The following RYR1 variants were observed in gnomAD, a reference collection of about 807,000 sequenced individuals.
RYR1 encodes the protein ryanodine receptor 1, also known as central core disease of muscle.
RYR1 carries 342 observed loss-of-function variants against 583.5 expected under a neutral mutation model. That is an observed-to-expected ratio of 0.59 (90% CI 0.54 to 0.64). The LOEUF is 0.64. RYR1 is among the 30% of genes least tolerant of loss of function. The pLI is 0.00. For missense variants in RYR1, 6,032 were observed against 6,917.2 expected (o/e 0.87, Z 4.54); for synonymous variants, 2,791 against 2,822.5 (o/e 0.99, Z 0.35).
chr19:38,433,745 A>ACCCCCCCC lies in RYR1; in HGVS notation c.-85_-84insCCCCCCCC. 1 of 498,370 alleles carries ACCCCCCCC rather than the reference A, an allele frequency of 2.0e-6. No homozygotes were observed. The highest frequency in any genetic ancestry group is 3.9e-6 in the Non-Finnish European group (1 of 256,700). 30.9% of individuals were successfully genotyped at this position (498,370 alleles called of 1,614,324 possible). On this transcript the variant is annotated 5_prime_UTR_variant, in exon 1 of 106. Transcript: ENST00000359596. ...GGTGTCTCCAGAGGTCTCCGACCCC[A>ACCCCCCCC]GCCCGCCCCCAGCCCTCCCGCCCAG... is the stretch of plus-strand genomic sequence containing the variant.
Position 38,566,938 on chromosome 19 carries a change from C to A in RYR1, c.13465C>A (p.Pro4489Thr). The change falls in exon 92 of 106, where the codon CCA becomes ACA. Residue 4489 changes from proline to threonine, a missense_variant. By Grantham distance (38) the Pro-to-Thr change is conservative. Around this residue, in one of 11 missense-constraint regions of RYR1, gnomAD observed 753 missense variants for 759.6 expected, o/e 0.99. Coordinates refer to ENST00000359596, the MANE Select transcript of RYR1 (RefSeq NM_000540.3). ...GVDGVEEELP[P>T]EPEPEPEPEL... ...GGATGGAGTGGAGGAGGAGCTCCCG[C>A]CAGAGCCAGAGCCCGAGCCGGAACC... is the stretch of plus-strand genomic sequence containing the variant. 2 of 1,606,262 alleles carry A rather than the reference C, an allele frequency of 1.2e-6. No individual in the cohort carries two copies. Among genetic ancestry groups the A allele is most frequent in the Non-Finnish European group, 1.7e-6 (2 of 1,176,712 alleles).
rs201174268 is a variant in RYR1 at position 38,469,026 on chromosome 19, G to A, written c.3442G>A (p.Val1148Ile). Residue 1148 changes from valine (V) to isoleucine (I), a missense_variant, in exon 26 of 106, where the codon GTT (valine) becomes ATT (isoleucine). Transcript: ENST00000359596. Reference protein sequence around the residue: ...FGRPWQPGDVVGCMIDLTENT... With the variant: ...FGRPWQPGDVIGCMIDLTENT... Reference sequence around the variant, plus strand: ...GCGCCCCTGGCAGCCGGGCGATGTCGTTGGCTGTATGATCGACCTCACAGA... The same window carrying A: ...GCGCCCCTGGCAGCCGGGCGATGTCATTGGCTGTATGATCGACCTCACAGA... The A allele has an allele frequency of 4.8e-5, 77 of 1,614,144 alleles. No individual in the cohort carries two copies. Among genetic ancestry groups the A allele is most frequent in the Admixed American group, 8.3e-5 (5 of 60,012 alleles).
Position 38,580,470 on chromosome 19 carries a change from A to T in RYR1, c.14612A>T (p.Asp4871Val), listed in dbSNP as rs1356112333. The change falls in exon 101 of 106, where the codon GAT (aspartate) becomes GTT (valine). Residue 4871 changes from aspartate to valine, a missense_variant. Around this residue, in one of 11 missense-constraint regions of RYR1, gnomAD observed 189 missense variants for 350.3 expected, o/e 0.54. Coordinates refer to ENST00000359596, the MANE Select transcript of RYR1 (RefSeq NM_000540.3). ...RKFYNKSEDEDEPDMKCDDMM... is the reference protein window; with the variant it reads ...RKFYNKSEDEVEPDMKCDDMM... ...TTCTACAACAAGAGCGAGGATGAGG[A>T]TGAACCTGACATGAAGTGTGATGAC... The T allele has an allele frequency of 6.2e-7, 1 of 1,614,120 alleles. No individual in the cohort carries two copies. The highest frequency in any genetic ancestry group is 2.2e-5 in the East Asian group (1 of 44,874).
intron 13 of RYR1, among the ~76,000 whole-genome samples, chr19:38,454,645 G>A (rs1017453212): frequency 5.3e-5 from 8 of 152,180 alleles, no homozygotes; most frequent in African/African-American, 1.9e-4. Context: ...CCTAGAAGCA[G>A]TGGTTCAGTA....
chr19:38,471,584 G>C (rs1229687900), intron 27 of RYR1, among the ~76,000 whole-genome samples: 2 of 151,468 alleles, frequency 1.3e-5, no homozygotes, highest in Non-Finnish European at 2.9e-5. Context: ...GGGAGAAAGA[G>C]GAGAGAAAAA....
At chr19:38,436,519 C>T (rs1411505602) in intron 1 of RYR1, among the ~76,000 whole-genome samples, 1 of 152,122 alleles carries the variant, frequency 6.6e-6, no homozygotes, top group Non-Finnish European at 1.5e-5. Context: ...TTTCTTCTTT[C>T]ACTCAGCATA....
In RYR1 at chr19:38,494,555, G is replaced by GGCCA; in HGVS notation, c.6480_6483dup (p.Ile2162ProfsTer92). 6.2e-7 allele frequency: 1 copy of GGCCA among 1,614,066 alleles called. No individual in the cohort carries two copies. Among genetic ancestry groups the GGCCA allele is most frequent in the African/African-American group, 1.3e-5 (1 of 75,048 alleles). On this transcript the variant is annotated frameshift_variant, in exon 39 of 106. Transcript: ENST00000359596. LOFTEE classifies it high-confidence loss of function. ...CACCATGAGCCTGCTCGAGTGCCTC[G>GGCCA]GCCAGATCCGCTCGCTGCTCATCGT...
chr19:38,514,282 A>ATTT (rs56826915), intron 63 of RYR1, among the ~76,000 whole-genome samples: 10 of 139,100 alleles, frequency 7.2e-5, no homozygotes, highest in South Asian at 4.6e-4. Context: ...TTTTTTTTTA[A>ATTT]TTTTTTTTTT....
rs142491855 is a variant in RYR1, at chr19:38,527,705, G to A, written c.10745G>A (p.Arg3582His). 2 of 1,614,132 alleles carry A rather than the reference G, an allele frequency of 1.2e-6. No individual in the cohort carries two copies. Residue 3582 changes from arginine to histidine, a missense_variant, in exon 73 of 106, where the codon CGC becomes CAC. By Grantham distance (29) the Arg-to-His change is conservative. Transcript: ENST00000359596. ...GCTCTGTACCGGGGCGTCCCGGGTC[G>A]CGAGGAGGACGCCGATGACCCCGAG... Reference protein sequence around the residue: ...QMALYRGVPGREEDADDPEKI... With the variant: ...QMALYRGVPGHEEDADDPEKI...
chr19:38,463,668 G>T (rs1403621199), intron 21 of RYR1, 79 bp from the exon 22 acceptor site: 14 of 1,494,972 alleles, frequency 9.4e-6, no homozygotes, highest in Non-Finnish European at 1.3e-5. Context: ...TAGGGTTGGA[G>T]GTCAGGGGTC....
intron 13 of RYR1, among the ~76,000 whole-genome samples, chr19:38,454,124 C>T (rs1005803917): frequency 6.6e-6 from 1 of 152,186 alleles, no homozygotes; most frequent in African/African-American, 2.4e-5. Flanking sequence ...GCAACCTCCA[C>T]CTCCCAGGTT....
intron 79 of RYR1, 70 bp downstream of exon 79, chr19:38,534,889 A>G (rs1450819726): frequency 6.6e-7 from 1 of 1,511,284 alleles, no homozygotes; most frequent in Non-Finnish European, 9.0e-7. Flanking sequence ...TGGCTCGCCC[A>G]TTCCCTGTGG....
chr19:38,458,038 ATC>A lies in RYR1; in HGVS notation c.1926-8_1926-7del, dbSNP rs766513976. 6.2e-7 allele frequency: 1 copy of A among 1,612,478 alleles called. No individual in the cohort carries two copies. Among genetic ancestry groups the A allele is most frequent in the South Asian group, 1.1e-5 (1 of 90,998 alleles). ...CTCCGTCATCCCCCTCTCCTGTCCCATCTCTCCTGCAGCATCCGCCCCAACAT... is the reference window on the plus strand; with the variant it reads ...CTCCGTCATCCCCCTCTCCTGTCCCATCTCCTGCAGCATCCGCCCCAACAT... On this transcript the variant is annotated splice_polypyrimidine_tract_variant and intron_variant, in intron 17 of 105. Coordinates refer to ENST00000359596, the MANE Select transcript of RYR1 (RefSeq NM_000540.3).
intron 30 of RYR1, 26 bp from the exon 31 acceptor site, chr19:38,478,409 G>A (rs1281098117): frequency 1.9e-6 from 3 of 1,610,708 alleles, no homozygotes; most frequent in African/African-American, 1.3e-5. Context: ...CATGAGGAGT[G>A]CAGTGACCGC....
Position 38,565,672 on chromosome 19 carries a change from C to A in RYR1, c.13338C>A (p.Phe4446Leu). Residue 4446 changes from phenylalanine to leucine, a missense_variant, in exon 91 of 106, where the codon TTC becomes TTA. By Grantham distance (22) the Phe-to-Leu change is conservative (BLOSUM62 0). This residue lies in a region of RYR1 where 753 missense variants were observed against 759.6 expected (regional missense o/e 0.99). Transcript: ENST00000359596. This position sits in a 1 kb window ranked among gnomAD's most constrained non-coding sequence, Gnocchi z 4.7. ...GAVAVTDGGPFRPEGAGGLGD... is the reference protein window; with the variant it reads ...GAVAVTDGGPLRPEGAGGLGD... ...TGGCCGTGACCGATGGGGGCCCCTT[C>A]CGGCCCGAAGGGGCTGGCGGTCTCG... The A allele has an allele frequency of 7.2e-7, 1 of 1,394,642 alleles. No homozygotes were observed. Among genetic ancestry groups the A allele is most frequent in the South Asian group, 1.6e-5 (1 of 62,174 alleles). 86.4% of individuals were successfully genotyped at this position (1,394,642 alleles called of 1,614,324 possible). A position where few individuals can be genotyped will look rare whatever the true frequency, so the allele number is the denominator to read the frequency against.
chr19:38,483,123 C>T lies in RYR1; in HGVS notation c.4707+10C>T. ...GCTGGGGAAGCAGAAGGTACAAGTGCAGTGATGGGGGCACTAATGGGGCCA... is the reference window on the plus strand; with the variant it reads ...GCTGGGGAAGCAGAAGGTACAAGTGTAGTGATGGGGGCACTAATGGGGCCA... On this transcript the variant is annotated intron_variant, in intron 32 of 105. Transcript: ENST00000359596. This position sits in a 1 kb window ranked among gnomAD's most constrained non-coding sequence, Gnocchi z 6.3. The T allele has an allele frequency of 6.2e-7, 1 of 1,613,350 alleles. No homozygotes were observed. The highest frequency in any genetic ancestry group is 8.5e-7 in the Non-Finnish European group (1 of 1,179,326).
chr19:38,572,292 T>C lies in RYR1; in HGVS notation c.13998+22T>C, dbSNP rs1285239831. 3 of 878,056 alleles carry C rather than the reference T, an allele frequency of 3.4e-6. No individual in the cohort carries two copies. In the African/African-American group the frequency reaches 1.1e-4, roughly 33 times the overall value. 54.4% of individuals were successfully genotyped at this position (878,056 alleles called of 1,614,324 possible). A position where few individuals can be genotyped will look rare whatever the true frequency, so the allele number is the denominator to read the frequency against. Reference sequence around the variant, plus strand: ...CAAGGTGGGCCCATGGCCATGGTTCTGGGGCAAGGGCTTATTGGCTGGGTG... The same window carrying C: ...CAAGGTGGGCCCATGGCCATGGTTCCGGGGCAAGGGCTTATTGGCTGGGTG... On this transcript the variant is annotated intron_variant, in intron 95 of 105. Transcript: ENST00000359596.
intron 88 of RYR1, 105 bp downstream of exon 88, chr19:38,546,631 AT>A: frequency 1.1e-6 from 1 of 884,354 alleles, no homozygotes; most frequent in Non-Finnish European, 1.9e-6. Context: ...CCCATCTGAC[AT>A]CGTGTCAGGA....
At chr19:38,450,114 G>T (rs967774883) in intron 11 of RYR1, among the ~76,000 whole-genome samples, 1 of 152,176 alleles carries the variant, frequency 6.6e-6, no homozygotes, top group African/African-American at 2.4e-5. Flanking sequence ...CAGGATCACA[G>T]AATTCTTAGG....
Sources: allele counts gnomAD v4.1 joint callset (sites outside exome capture counted in the v4.1 genomes callset), GRCh38; gene constraint gnomAD v4.1.1; regional missense constraint gnomAD v4.1.1; non-coding constraint Gnocchi (gnomAD v3.1); transcripts MANE v1.5; gene names NCBI Gene and HGNC (gene_info 2026-07-23, HGNC 2026-07-21).